AXDND1: variants seen among roughly 807,000 people sequenced by gnomAD.
AXDND1 encodes axonemal dynein light chain domain-containing protein 1.
In AXDND1, 110 loss-of-function variants were observed where a neutral mutation model predicts 137.5. The observed-to-expected ratio is 0.80, with a 90% CI of 0.69 to 0.94. The LOEUF (loss-of-function observed/expected upper bound fraction) is 0.94. Ranked by LOEUF, AXDND1 falls within the 40% of genes least tolerant of loss-of-function variation. The pLI is 0.00. For synonymous variants in AXDND1, 414 were observed against 399.7 expected (o/e 1.04, Z -0.43); for missense variants, 1,191 against 1,169.8 (o/e 1.02, Z -0.26).
intron 16 of AXDND1, among the ~76,000 whole-genome samples, chr1:179,446,551 A>G (rs1387672817): frequency 1.3e-5 from 2 of 152,230 alleles, no homozygotes; most frequent in Non-Finnish European, 2.9e-5. Context: ...CAAGCATCCC[A>G]GGTGATTCTG....
chr1:179,451,012 A>G (rs1236717517), intron 16 of AXDND1: 1 of 152,258 alleles, frequency 6.6e-6, no homozygotes, highest in African/African-American at 2.4e-5. Flanking sequence ...AGGAGTTTGC[A>G]TCTATAGTTA....
rs1313426546 is a variant in AXDND1 at position 179,488,766 on chromosome 1, G to A, written c.2092-2772G>A. 5.4e-5 allele frequency among the ~76,000 whole-genome samples: 7 copies of A among 129,988 alleles called. 1 individual carries two copies. The highest frequency in any genetic ancestry group is 2.1e-4 in the East Asian group (1 of 4,678). 85.3% of individuals were successfully genotyped at this position (129,988 alleles called of 152,430 possible). On this transcript the variant is annotated intron_variant, in intron 18 of 25. Coordinates refer to ENST00000367618, the MANE Select transcript of AXDND1 (RefSeq NM_144696.6). ...TCTTTTTTTTTTGAAATGGAGTCTC[G>A]CTCTGTCACCCAGGCTGGACTGCAG...
chr1:179,422,409 G>A (rs1020068450), intron 12 of AXDND1, among the ~76,000 whole-genome samples: 2 of 152,080 alleles, frequency 1.3e-5, no homozygotes, highest in Admixed American at 6.5e-5. Flanking sequence ...TCCATAAAAT[G>A]TTATTTAATT....
intron 18 of AXDND1, among the ~76,000 whole-genome samples, chr1:179,487,732 A>T (rs766806461): frequency 2.0e-5 from 3 of 148,556 alleles, no homozygotes; most frequent in Non-Finnish European, 4.5e-5. Context: ...GTGATGGCTC[A>T]TGCCTGTAAC....
At chr1:179,421,070 T>TTCCC (rs1264751470) in intron 12 of AXDND1, among the ~76,000 whole-genome samples, 1 of 150,938 alleles carries the variant, frequency 6.6e-6, no homozygotes, top group Non-Finnish European at 1.5e-5. Flanking sequence ...CCTTCCTTCC[T>TTCCC]TCCTTCCTTC....
At chr1:179,380,662 G>C (rs1393474859) in intron 6 of AXDND1, among the ~76,000 whole-genome samples, 1 of 152,112 alleles carries the variant, frequency 6.6e-6, no homozygotes, top group Non-Finnish European at 1.5e-5. Flanking sequence ...ATATCCAGAG[G>C]CTGTCACTCT....
intron 20 of AXDND1, among the ~76,000 whole-genome samples, chr1:179,505,956 G>C (rs1668500937): frequency 6.6e-6 from 1 of 152,290 alleles, no homozygotes; most frequent in Non-Finnish European, 1.5e-5. Flanking sequence ...GCCTATTTCA[G>C]ACAGAAACTG....
chr1:179,400,596 G>T (rs375317771), intron 11 of AXDND1, among the ~76,000 whole-genome samples: 1 of 77,166 alleles, frequency 1.3e-5, no homozygotes, highest in African/African-American at 4.6e-5. Flanking sequence ...AATTAGGGAA[G>T]AAATAAAAAA....
At chr1:179,493,721 A>G (rs1028003029) in intron 20 of AXDND1, among the ~76,000 whole-genome samples, 3 of 152,222 alleles carry the variant, frequency 2.0e-5, no homozygotes, top group Non-Finnish European at 2.9e-5. Context: ...AGAATTGGCT[A>G]TCTCCAACAT....
rs1288083531 is a variant in AXDND1 at position 179,528,336 on chromosome 1, A to G, written c.2620A>G (p.Thr874Ala). 1.2e-6 allele frequency: 2 copies of G among 1,612,894 alleles called. No individual in the cohort carries two copies. Among genetic ancestry groups the G allele is most frequent in the African/African-American group, 2.7e-5 (2 of 75,020 alleles). Residue 874 changes from threonine (T) to alanine (A), a missense_variant, in exon 23 of 26, where the codon ACA becomes GCA. By Grantham distance (58) the Thr-to-Ala change is moderately conservative. Coordinates refer to ENST00000367618, the MANE Select transcript of AXDND1 (RefSeq NM_144696.6). ...NKERAEEQPS[T>A]STEKEKLIRF... Reference sequence around the variant, plus strand: ...TGTTTCTGTGTTCTAGCAACCTTCAACATCTACAGAGAAGGAAAAACTCAT... The same window carrying G: ...TGTTTCTGTGTTCTAGCAACCTTCAGCATCTACAGAGAAGGAAAAACTCAT...
At chr1:179,437,068 TG>T (rs1398868034) in intron 15 of AXDND1, among the ~76,000 whole-genome samples, 2 of 84,888 alleles carry the variant, frequency 2.4e-5, no homozygotes, top group Non-Finnish European at 4.7e-5. Context: ...AGACACTCAC[TG>T]AAAAAAAAAA....
chr1:179,518,131 C>T (rs1012405663), intron 21 of AXDND1, among the ~76,000 whole-genome samples: 9 of 152,184 alleles, frequency 5.9e-5, no homozygotes, highest in African/African-American at 2.2e-4. Flanking sequence ...TTAATTCTTT[C>T]TATTGAACTA....
intron 17 of AXDND1, among the ~76,000 whole-genome samples, chr1:179,469,906 G>A (rs1243400828): frequency 6.6e-6 from 1 of 152,088 alleles, no homozygotes; most frequent in Non-Finnish European, 1.5e-5. Context: ...CAAATCCAAG[G>A]TCATGAAAAT....
chr1:179,524,180 G>A (rs1358624132), intron 21 of AXDND1, among the ~76,000 whole-genome samples: 1 of 152,014 alleles, frequency 6.6e-6, no homozygotes, highest in Non-Finnish European at 1.5e-5. Flanking sequence ...TTCATATAAT[G>A]ACTGCTTTTT....
intron 17 of AXDND1, among the ~76,000 whole-genome samples, chr1:179,477,655 G>T (rs949067535): frequency 5.9e-5 from 9 of 152,066 alleles, no homozygotes; most frequent in Admixed American, 3.9e-4. Context: ...TTTGGGTGGG[G>T]ACACAGCCAA....
chr1:179,399,807 C>T (rs1651679989), intron 11 of AXDND1, among the ~76,000 whole-genome samples: 1 of 152,014 alleles, frequency 6.6e-6, no homozygotes, highest in Admixed American at 6.6e-5. Flanking sequence ...TACAAATGGG[C>T]AACAAACATA....
chr1:179,488,604 T>TTTTC (rs1487432421), intron 18 of AXDND1, among the ~76,000 whole-genome samples: 1 of 91,632 alleles, frequency 1.1e-5, no homozygotes. Flanking sequence ...CTTTCTTTCT[T>TTTTC]TTTCTTTCTT....
intron 12 of AXDND1, among the ~76,000 whole-genome samples, 181 bp from the exon 13 acceptor site, chr1:179,429,337 T>C (rs779975900): frequency 8.5e-5 from 13 of 152,232 alleles, no homozygotes; most frequent in Admixed American, 2.0e-4. Flanking sequence ...CTATACACTA[T>C]ACTTCAGTTT....
In AXDND1 at chr1:179,429,625, G is replaced by A. The variant is rs1156572809; in HGVS notation, c.1332+6G>A. 2 of 1,518,162 alleles carry A rather than the reference G, an allele frequency of 1.3e-6. No homozygotes were observed. The highest frequency in any genetic ancestry group is 1.4e-5 in the African/African-American group (1 of 70,382). 94.0% of individuals were successfully genotyped at this position (1,518,162 alleles called of 1,614,324 possible). ...TCATACTGCTATCAAACAAGGTAAA[G>A]GTCAATTATCTTCAGTTATGGGAAA... On this transcript the variant is annotated splice_donor_region_variant and intron_variant, in intron 13 of 25. Transcript: ENST00000367618.
Sources: gnomAD v4.1 joint callset for allele counts (sites outside exome capture counted in the v4.1 genomes callset) on GRCh38, gnomAD v4.1.1 for gene constraint, MANE v1.5 for transcripts, NCBI Gene and HGNC (gene_info 2026-07-23, HGNC 2026-07-21) for gene names.